The following GBE1 variants were observed in gnomAD, a reference collection of about 807,000 sequenced individuals.
The protein encoded by GBE1 is 1,4-alpha-glucan branching enzyme 1.
Under a neutral mutation model 88.8 loss-of-function variants are expected in GBE1, and 70 were observed. That is an observed-to-expected ratio of 0.79 (90% CI 0.65 to 0.96). The LOEUF (loss-of-function observed/expected upper bound fraction) is 0.96, where lower values mean the gene tolerates loss of function less well. Ranked by LOEUF, GBE1 falls within the 40% of genes least tolerant of loss-of-function variation. The pLI is 0.00. For synonymous variants in GBE1, 284 were observed against 300.1 expected (o/e 0.95, Z 0.56); for missense variants, 872 against 871.0 (o/e 1.00, Z -0.01).
At chr3:81,599,392 T>C (rs1277062441) in intron 7 of GBE1, among the ~76,000 whole-genome samples, 1 of 151,940 alleles carries the variant, frequency 6.6e-6, no homozygotes, top group Non-Finnish European at 1.5e-5. Context: ...ATTAGTCGGA[T>C]AGGATGGAAA....
At chr3:81,571,708 C>T (rs1179454250) in intron 12 of GBE1, among the ~76,000 whole-genome samples, 1 of 152,098 alleles carries the variant, frequency 6.6e-6, no homozygotes, top group East Asian at 1.9e-4. Context: ...GTATTCTGAA[C>T]AAGTGGAATA....
chr3:81,589,901 C>A, intron 9 of GBE1, among the ~76,000 whole-genome samples: 1 of 151,912 alleles, frequency 6.6e-6, no homozygotes, highest in Admixed American at 6.6e-5. Flanking sequence ...AAAATATTAG[C>A]ACAAGTATTA....
At chr3:81,545,114 A>G (rs201116178) in intron 12 of GBE1, among the ~76,000 whole-genome samples, 100 of 152,316 alleles carry the variant, frequency 6.6e-4, no homozygotes, top group East Asian at 2.9e-3. Context: ...AAATATCTAC[A>G]TTAAAATGAA....
At chr3:81,734,530 G>A (rs1014507652) in intron 1 of GBE1, among the ~76,000 whole-genome samples, 1 of 152,154 alleles carries the variant, frequency 6.6e-6, no homozygotes, top group South Asian at 2.1e-4. Context: ...TCTGGCACGT[G>A]TGAGTCCTAC....
At chr3:81,596,536 T>A (rs1397879042) in intron 7 of GBE1, among the ~76,000 whole-genome samples, 2 of 151,948 alleles carry the variant, frequency 1.3e-5, no homozygotes, top group African/African-American at 4.8e-5. Context: ...CTTTGTTGCA[T>A]AAGAAAAAAT....
At chr3:81,531,062 T>C (rs1703005766) in intron 14 of GBE1, among the ~76,000 whole-genome samples, 1 of 150,932 alleles carries the variant, frequency 6.6e-6, no homozygotes, top group Admixed American at 6.6e-5. Context: ...CTCTTCTCTT[T>C]CCTTTCCTCA....
At chr3:81,737,370 T>TATAA (rs1336461855) in intron 1 of GBE1, among the ~76,000 whole-genome samples, 10 of 32,606 alleles carry the variant, frequency 3.1e-4, no homozygotes, top group East Asian at 1.2e-3. Flanking sequence ...TATATATTTA[T>TATAA]ATATATTTTT....
At chr3:81,526,249 C>A (rs889517447) in intron 14 of GBE1, among the ~76,000 whole-genome samples, 23 of 151,852 alleles carry the variant, frequency 1.5e-4, no homozygotes, top group African/African-American at 5.1e-4. Flanking sequence ...TTACGACAAA[C>A]CCACAGCCAA....
chr3:81,743,142 T>C (rs1706373171), intron 1 of GBE1, among the ~76,000 whole-genome samples: 1 of 152,098 alleles, frequency 6.6e-6, no homozygotes, highest in Non-Finnish European at 1.5e-5. Flanking sequence ...ATCCCAAAGA[T>C]GCTCAGTGAG....
chr3:81,745,400 C>G (rs1706407403), intron 1 of GBE1, among the ~76,000 whole-genome samples: 1 of 152,084 alleles, frequency 6.6e-6, no homozygotes, highest in African/African-American at 2.4e-5. Context: ...CCATTTTGAA[C>G]AGAGGTATGG....
At chr3:81,585,390 T>C (rs1056399332) in intron 10 of GBE1, among the ~76,000 whole-genome samples, 5 of 152,142 alleles carry the variant, frequency 3.3e-5, no homozygotes, top group Non-Finnish European at 7.4e-5. Flanking sequence ...TGATTATTTG[T>C]ATATATATCT....
intron 1 of GBE1, among the ~76,000 whole-genome samples, chr3:81,707,994 G>A (rs892761667): frequency 1.3e-5 from 2 of 151,816 alleles, no homozygotes; most frequent in Admixed American, 6.6e-5. Context: ...TTCTAATCAC[G>A]TATAACAAAT....
At position 81,569,373 on chromosome 3, in the gene GBE1, T is replaced by C. The variant is rs142571415; in HGVS notation, c.1618+8552A>G. On this transcript the variant is annotated intron_variant, in intron 12 of 15. Transcript: ENST00000429644. ...AGATTTCTCTTATAGCAGTAATACA[T>C]AGCAATATGTAAAGGCCAACTAATA... 2.1e-3 allele frequency among the ~76,000 whole-genome samples: 321 copies of C among 152,338 alleles called. 2 individuals are homozygous for C. The highest frequency in any genetic ancestry group is 7.4e-3 in the African/African-American group (306 of 41,578).
chr3:81,561,956 TG>T (rs1703424639), intron 12 of GBE1, among the ~76,000 whole-genome samples: 1 of 152,106 alleles, frequency 6.6e-6, no homozygotes, highest in South Asian at 2.1e-4. Flanking sequence ...CTTCATGGCC[TG>T]CAACTTCCTT....
intron 3 of GBE1, among the ~76,000 whole-genome samples, chr3:81,670,121 C>A (rs1342369804): frequency 6.6e-6 from 1 of 152,188 alleles, no homozygotes; most frequent in African/African-American, 2.4e-5. Context: ...ATTTAGATCG[C>A]TTCTCTTATA....
chr3:81,704,720 C>T (rs1705747972), intron 2 of GBE1, among the ~76,000 whole-genome samples: 1 of 151,920 alleles, frequency 6.6e-6, no homozygotes, highest in African/African-American at 2.4e-5. Flanking sequence ...CCAGTTATTC[C>T]ACTTTCAAAA....
intron 1 of GBE1, among the ~76,000 whole-genome samples, chr3:81,722,853 C>G (rs988938593): frequency 1.9e-4 from 28 of 148,704 alleles, no homozygotes; most frequent in African/African-American, 6.9e-4. Flanking sequence ...TGTTTAGGCT[C>G]TAGGGTATGT....
At chr3:81,493,766 C>T (rs1702466969) in intron 15 of GBE1, among the ~76,000 whole-genome samples, 2 of 151,774 alleles carry the variant, frequency 1.3e-5, no homozygotes, top group African/African-American at 4.8e-5. Flanking sequence ...GAACTCCCGA[C>T]CTCAGCTGTT....
intron 12 of GBE1, among the ~76,000 whole-genome samples, chr3:81,573,201 T>G (rs1314086767): frequency 6.6e-6 from 1 of 152,232 alleles, no homozygotes; most frequent in East Asian, 1.9e-4. Context: ...TTCATTAAAC[T>G]TGCCAATCAG....
Sources: gnomAD v4.1 joint callset for allele counts (sites outside exome capture counted in the v4.1 genomes callset) on GRCh38, gnomAD v4.1.1 for gene constraint, MANE v1.5 for transcripts, NCBI Gene and HGNC (gene_info 2026-07-23, HGNC 2026-07-21) for gene names.